The following EFHD1 variants were observed in gnomAD, a reference collection of about 807,000 sequenced individuals.
EFHD1 encodes EF-hand domain-containing protein D1.
A neutral mutation model predicts 17.2 loss-of-function variants in EFHD1; 10 were observed. The observed-to-expected ratio is 0.58, with a 90% CI of 0.36 to 0.99. EFHD1 has a LOEUF of 0.99. Among genes scored for constraint, EFHD1 ranks in the 50% least tolerant of loss-of-function variants. The pLI is 0.01. For synonymous variants in EFHD1, 153 were observed against 142.0 expected, an observed-to-expected ratio of 1.08 and a Z score of -0.55; for missense variants, 310 against 327.5, an observed-to-expected ratio of 0.95 and a Z score of 0.41.
Position 232,626,719 on chromosome 2 carries a change from C to A in EFHD1, c.14+20546C>A, listed in dbSNP as rs1054073548. Among the ~76,000 whole-genome samples the A allele has an allele frequency of 1.2e-4, 19 of 152,098 alleles. 2 individuals are homozygous for A. The highest frequency in any genetic ancestry group is 1.5e-5 in the Non-Finnish European group (1 of 68,030). On this transcript the variant is annotated intron_variant, in intron 1 of 3. Coordinates refer to the EFHD1 transcript ENST00000409613. Reference sequence around the variant, plus strand: ...CTGTTGTTTGTGAGCTGAACTAGCTCCCCTTTCAGGAAACATGAATTTTGC... The same window carrying A: ...CTGTTGTTTGTGAGCTGAACTAGCTACCCTTTCAGGAAACATGAATTTTGC...
Position 232,606,550 on chromosome 2 carries a change from G to A in EFHD1, c.14+377G>A, listed in dbSNP as rs1693716196. The A allele has an allele frequency of 8.9e-6, 3 of 338,890 alleles. No homozygotes were observed. In the East Asian group the frequency reaches 2.0e-4, roughly 22 times the overall value. 21.0% of individuals were successfully genotyped at this position (338,890 alleles called of 1,614,324 possible). On this transcript the variant is annotated intron_variant, in intron 1 of 3. Transcript: ENST00000409613. Reference sequence around the variant, plus strand: ...TGGGTAGACCCGGCGCTGGGGCTGGGGGACCCTGAGCAGGTTCCTCACCTG... The same window carrying A: ...TGGGTAGACCCGGCGCTGGGGCTGGAGGACCCTGAGCAGGTTCCTCACCTG...
At chr2:232,647,235 G>C (rs151068544) in intron 1 of EFHD1, among the ~76,000 whole-genome samples, 285 of 152,380 alleles carry the variant, frequency 1.9e-3, no homozygotes, top group African/African-American at 6.3e-3. Context: ...GCCTGGAGTG[G>C]AGAAAGCAGG....
chr2:232,657,668 G>A lies in EFHD1; in HGVS notation c.303-5134G>A, dbSNP rs184616237. On this transcript the variant is annotated intron_variant, in intron 1 of 3. Transcript: ENST00000264059. ...CTACTAAAAATACAAAAAATTAGCCGGCCATGGTGGTGGGCGCCTGTAATC... is the reference window on the plus strand; with the variant it reads ...CTACTAAAAATACAAAAAATTAGCCAGCCATGGTGGTGGGCGCCTGTAATC... Among the ~76,000 whole-genome samples the A allele has an allele frequency of 4.7e-3, 706 of 151,450 alleles. 7 individuals carry two copies. Among genetic ancestry groups the A allele is most frequent in the African/African-American group, 0.016 (680 of 41,300 alleles).
intron 1 of EFHD1, among the ~76,000 whole-genome samples, chr2:232,611,119 A>G (rs1693809322): frequency 6.6e-6 from 1 of 152,162 alleles, no homozygotes; most frequent in Admixed American, 6.5e-5. Flanking sequence ...TTGAGGCTGC[A>G]GTGAGCTATG....
At chr2:232,639,279 G>A (rs10165093) in intron 1 of EFHD1, among the ~76,000 whole-genome samples, 61,710 of 151,998 alleles carry the variant, frequency 0.41, 12,769 homozygotes, top group South Asian at 0.46. Context: ...GAAAGAGAAA[G>A]GTCCTTTCCC....
chr2:232,621,414 A>C (rs1694015240), intron 1 of EFHD1, among the ~76,000 whole-genome samples: 1 of 151,776 alleles, frequency 6.6e-6, no homozygotes, highest in Non-Finnish European at 1.5e-5. Flanking sequence ...TTGTCATAAC[A>C]TCCTTCTAAG....
chr2:232,659,470 G>A (rs191467671), intron 1 of EFHD1, among the ~76,000 whole-genome samples: 177 of 152,212 alleles, frequency 1.2e-3, no homozygotes, highest in African/African-American at 3.9e-3. Flanking sequence ...GGGGTGGCTG[G>A]GTGAGAGGAA....
chr2:232,659,904 C>A (rs546324301), intron 1 of EFHD1, among the ~76,000 whole-genome samples: 3 of 152,190 alleles, frequency 2.0e-5, no homozygotes, highest in South Asian at 4.2e-4. Flanking sequence ...GGAACAGGAG[C>A]AAGACAGAGC....
chr2:232,622,490 G>A (rs1255258820), intron 1 of EFHD1, among the ~76,000 whole-genome samples: 1 of 148,874 alleles, frequency 6.7e-6, no homozygotes, highest in Non-Finnish European at 1.5e-5. Context: ...GGGGTGGGGG[G>A]GAAGACATCT....
At chr2:232,646,699 G>T (rs1011165514) in intron 1 of EFHD1, among the ~76,000 whole-genome samples, 1 of 152,038 alleles carries the variant, frequency 6.6e-6, no homozygotes, top group African/African-American at 2.4e-5. Context: ...CACCCACCTC[G>T]GTCCCAGAAA....
intron 2 of EFHD1, among the ~76,000 whole-genome samples, chr2:232,664,398 A>C (rs903672079): frequency 6.6e-6 from 1 of 151,818 alleles, no homozygotes; most frequent in African/African-American, 2.4e-5. Context: ...TATAGGCATG[A>C]GCCACCTTGC....
intron 1 of EFHD1, among the ~76,000 whole-genome samples, chr2:232,643,410 A>AT (rs929826164): frequency 4.7e-5 from 7 of 148,492 alleles, no homozygotes; most frequent in South Asian, 4.2e-4. Context: ...TTTCGTTTGT[A>AT]TTTTTTTTGT....
At chr2:232,665,326 A>G (rs777576988) in intron 2 of EFHD1, among the ~76,000 whole-genome samples, 2 of 152,168 alleles carry the variant, frequency 1.3e-5, no homozygotes, top group Non-Finnish European at 2.9e-5. Context: ...CATGGCAAGG[A>G]TGCCACCCCA....
chr2:232,606,449 C>T (rs748037261), intron 1 of EFHD1: 1 of 571,792 alleles, frequency 1.7e-6, no homozygotes, highest in Non-Finnish European at 3.2e-6. Flanking sequence ...CTGAAGTCCC[C>T]ATCGTCCTCC....
At chr2:232,643,268 AC>A (rs1694465801) in intron 1 of EFHD1, among the ~76,000 whole-genome samples, 2 of 151,972 alleles carry the variant, frequency 1.3e-5, no homozygotes, top group Admixed American at 6.6e-5. Context: ...GCATCCCATC[AC>A]CAGCCCATCC....
At chr2:232,654,597 T>A (rs1386219420) in intron 1 of EFHD1, among the ~76,000 whole-genome samples, 1 of 151,940 alleles carries the variant, frequency 6.6e-6, no homozygotes, top group Non-Finnish European at 1.5e-5. Context: ...AGGCTAGTTT[T>A]TTGTATTTTT....
intron 2 of EFHD1, among the ~76,000 whole-genome samples, chr2:232,666,736 A>G (rs921308048): frequency 6.6e-6 from 1 of 152,214 alleles, no homozygotes; most frequent in African/African-American, 2.4e-5. Flanking sequence ...TTCCAAGCCC[A>G]GTCCCATCTC....
chr2:232,655,892 C>T (rs372434411), intron 1 of EFHD1, among the ~76,000 whole-genome samples: 4 of 151,252 alleles, frequency 2.6e-5, no homozygotes, highest in African/African-American at 9.8e-5. Flanking sequence ...CTGCAAGCTC[C>T]GCCTCCTGGG....
intron 1 of EFHD1, among the ~76,000 whole-genome samples, chr2:232,614,043 AACACACACAT>A (rs1559336014): frequency 4.2e-5 from 2 of 47,830 alleles, no homozygotes; most frequent in African/African-American, 1.2e-4. Context: ...AACATACACA[AACACACACAT>A]ACATACACAT....
Sources: allele counts gnomAD v4.1 joint callset (sites outside exome capture counted in the v4.1 genomes callset), GRCh38; gene constraint gnomAD v4.1.1; transcripts MANE v1.5; gene names NCBI Gene and HGNC (gene_info 2026-07-23, HGNC 2026-07-21).